Variants in MANSC1 observed in about 807,000 individuals in gnomAD.
The protein encoded by MANSC1 is MANSC domain containing 1.
A neutral mutation model predicts 14.1 loss-of-function variants in MANSC1; 13 were observed. That is an observed-to-expected ratio of 0.92 (90% CI 0.60 to 1.46). MANSC1 has a LOEUF of 1.46. Among genes scored for constraint, MANSC1 ranks in the 40% most tolerant of loss-of-function variants. The pLI, the probability that MANSC1 is intolerant of heterozygous loss-of-function variation, is 0.00. For synonymous variants in MANSC1, 227 were observed against 200.7 expected, an observed-to-expected ratio of 1.13 and a Z score of -1.11; for missense variants, 486 against 511.4, an observed-to-expected ratio of 0.95 and a Z score of 0.48.
Position 12,343,340 on chromosome 12 carries a change from T to C in MANSC1, c.-26A>G. The C allele has an allele frequency of 6.4e-7, 1 of 1,555,560 alleles. No homozygotes were observed. Among genetic ancestry groups the C allele is most frequent in the Non-Finnish European group, 8.9e-7 (1 of 1,127,594 alleles). On this transcript the variant is annotated 5_prime_UTR_variant, in exon 2 of 4. Coordinates refer to ENST00000535902, the MANE Select transcript of MANSC1 (RefSeq NM_018050.4). Reference sequence around the variant, plus strand: ...TTTAAATTTCAGTTTAGTTTTGGTCTTCAAAGGTCAAGGATAATCCTCCCT... The same window carrying C: ...TTTAAATTTCAGTTTAGTTTTGGTCCTCAAAGGTCAAGGATAATCCTCCCT...
At chr12:12,342,333 T>C (rs147114938) in intron 2 of MANSC1, among the ~76,000 whole-genome samples, 146 of 152,366 alleles carry the variant, frequency 9.6e-4, no homozygotes, top group Middle Eastern at 3.4e-3. Context: ...TGTTAAGTAC[T>C]CAAGAAATTT....
At chr12:12,341,349 A>C (rs1862929903) in intron 2 of MANSC1, among the ~76,000 whole-genome samples, 1 of 152,214 alleles carries the variant, frequency 6.6e-6, no homozygotes, top group African/African-American at 2.4e-5. Flanking sequence ...ACTGAGGTGC[A>C]TAATTCTCTT....
At chr12:12,334,845 G>C (rs908492230) in intron 3 of MANSC1, among the ~76,000 whole-genome samples, 1 of 152,144 alleles carries the variant, frequency 6.6e-6, no homozygotes, top group African/African-American at 2.4e-5. Context: ...CTGTTTGAGA[G>C]GATGTTTGAC....
chr12:12,333,088 C>A (rs1862813805), intron 3 of MANSC1, among the ~76,000 whole-genome samples: 2 of 150,624 alleles, frequency 1.3e-5, no homozygotes, highest in Non-Finnish European at 3.0e-5. Flanking sequence ...GCTCTGTCAC[C>A]CAGGCTGGAG....
chr12:12,331,048 G>A, intron 3 of MANSC1, 90 bp from the exon 4 acceptor site: 1 of 881,552 alleles, frequency 1.1e-6, no homozygotes, highest in East Asian at 2.5e-5. Flanking sequence ...TTGTTCAAAA[G>A]ATCCCTAAAC....
In MANSC1 at chr12:12,330,048, A is replaced by G. The variant is rs771853375; in HGVS notation, c.1275T>C (p.Asn425=). ...KRYSRLDYLI[N]GIYVDI ...ATCCTTAGATGTCCACATAGATCCC[A>G]TTGATCAAATAATCCAGTCTTGAGT... The change falls in exon 4 of 4, where the codon AAT becomes AAC. Residue 425 remains asparagine, a synonymous_variant. Transcript: ENST00000535902. 2.7e-5 allele frequency: 43 copies of G among 1,613,984 alleles called. No individual in the cohort carries two copies. The highest frequency in any genetic ancestry group is 1.6e-4 in the Middle Eastern group (1 of 6,084).
At chr12:12,350,002 A>C (rs958795304) in intron 1 of MANSC1, 76 bp downstream of exon 1, 1 of 152,050 alleles carries the variant, frequency 6.6e-6, no homozygotes, top group African/African-American at 2.4e-5. Context: ...CCTGGAAAGG[A>C]GGGGACCGAC....
intron 1 of MANSC1, among the ~76,000 whole-genome samples, chr12:12,347,871 C>G (rs1352185367): frequency 6.6e-6 from 1 of 151,786 alleles, no homozygotes; most frequent in Non-Finnish European, 1.5e-5. Context: ...TCAGCCTGAC[C>G]AACATGGTGA....
intron 1 of MANSC1, among the ~76,000 whole-genome samples, chr12:12,344,370 C>T (rs1216618944): frequency 4.6e-5 from 7 of 151,998 alleles, no homozygotes; most frequent in Non-Finnish European, 8.8e-5. Flanking sequence ...GGCAGACCCA[C>T]CCTGAATCTG....
intron 2 of MANSC1, among the ~76,000 whole-genome samples, chr12:12,339,429 G>A (rs1862905529): frequency 6.6e-6 from 1 of 152,026 alleles, no homozygotes; most frequent in African/African-American, 2.4e-5. Flanking sequence ...ACCACACTCG[G>A]ATTTTTTTTG....
intron 2 of MANSC1, among the ~76,000 whole-genome samples, chr12:12,339,586 G>T (rs970881862): frequency 6.6e-6 from 1 of 152,112 alleles, no homozygotes; most frequent in Admixed American, 6.6e-5. Context: ...GATTCTGAAA[G>T]CATCTCAGAT....
At position 12,347,908 on chromosome 12, in the gene MANSC1, C is replaced by T. The variant is rs928325408; in HGVS notation, c.-101+2170G>A. On this transcript the variant is annotated intron_variant, in intron 1 of 3. Transcript: ENST00000535902. Reference sequence around the variant, plus strand: ...ACCCCATCTCTACTAAAAAAAAATACAAAAATTAGCCAGATATGGTGGCAG... The same window carrying T: ...ACCCCATCTCTACTAAAAAAAAATATAAAAATTAGCCAGATATGGTGGCAG... 2.0e-5 allele frequency among the ~76,000 whole-genome samples: 3 copies of T among 151,122 alleles called. No homozygotes were observed. The East Asian group carries it at 5.8e-4, about 29-fold the overall frequency.
intron 3 of MANSC1, among the ~76,000 whole-genome samples, chr12:12,331,377 G>A (rs978185167): frequency 6.6e-6 from 1 of 152,210 alleles, no homozygotes; most frequent in African/African-American, 2.4e-5. Context: ...GGTGGGAGGT[G>A]CACAGCAGAG....
In MANSC1 at chr12:12,343,223, T is replaced by C. The variant is rs773859563; in HGVS notation, c.92A>G (p.Lys31Arg). Residue 31 changes from lysine to arginine, a missense_variant, in exon 2 of 4, where the codon AAA (lysine) becomes AGA (arginine). Transcript: ENST00000535902. ...AATGACAACATCTTCTAGACTCTTT[T>C]TGAGGCAATTCTGACTAGCAGACAG... ...LRLSASQNCL[K>R]KSLEDVVIDI... is the part of the protein sequence containing the mutation. The C allele has an allele frequency of 2.5e-6, 4 of 1,614,118 alleles. No homozygotes were observed. The highest frequency in any genetic ancestry group is 4.5e-5 in the East Asian group (2 of 44,880).
Position 12,348,736 on chromosome 12 carries a change from A to G in MANSC1, c.-101+1342T>C, listed in dbSNP as rs549793723. 8.1e-4 allele frequency among the ~76,000 whole-genome samples: 117 copies of G among 143,708 alleles called. 1 individual carries two copies. The East Asian group carries it at 0.024, about 29-fold the overall frequency. The allele number at this position is 143,708 out of a possible 152,430, so 94.3% of individuals were successfully genotyped here. ...TAAAACCAAAAAAAAAAAAAAACCC[A>G]GAAACAAACCAGTATATGGTAATAA... On this transcript the variant is annotated intron_variant, in intron 1 of 3. Transcript: ENST00000535902.
chr12:12,342,995 G>T, intron 2 of MANSC1, 97 bp downstream of exon 2: 1 of 843,180 alleles, frequency 1.2e-6, no homozygotes. Context: ...TTCATACCCT[G>T]TCGAGAATCA....
intron 1 of MANSC1, among the ~76,000 whole-genome samples, chr12:12,347,754 G>A (rs1049172349): frequency 9.9e-5 from 15 of 152,130 alleles, no homozygotes; most frequent in South Asian, 2.1e-4. Flanking sequence ...CAAATACAAG[G>A]ACATGGAGCA....
chr12:12,336,759 C>A (rs1454444407), intron 3 of MANSC1, among the ~76,000 whole-genome samples: 1 of 152,128 alleles, frequency 6.6e-6, no homozygotes, highest in East Asian at 1.9e-4. Context: ...AACTTCTGGG[C>A]TCAAGTGATC....
At chr12:12,333,235 C>A (rs534964997) in intron 3 of MANSC1, among the ~76,000 whole-genome samples, 1 of 151,870 alleles carries the variant, frequency 6.6e-6, no homozygotes, top group East Asian at 1.9e-4. Context: ...TTTGTAGAGA[C>A]AGAATTTTGC....
Sources: gnomAD v4.1 joint callset for allele counts (sites outside exome capture counted in the v4.1 genomes callset) on GRCh38, gnomAD v4.1.1 for gene constraint, MANE v1.5 for transcripts, NCBI Gene and HGNC (gene_info 2026-07-23, HGNC 2026-07-21) for gene names.